Variants in MVK observed in about 807,000 individuals in gnomAD.
The protein encoded by MVK is mevalonate kinase.
MVK carries 34 observed loss-of-function variants against 43.2 expected under a neutral mutation model. The ratio of observed to expected loss-of-function variants is 0.79; its 90% CI spans 0.60 to 1.05. The LOEUF is 1.05. Ranked by LOEUF, MVK falls within the 50% of genes least tolerant of loss-of-function variation. The pLI is 0.00. For missense variants in MVK, 395 were observed against 504.0 expected (o/e 0.78, Z 2.07); for synonymous variants, 190 against 219.8 (o/e 0.86, Z 1.20).
chr12:109,595,744 G>A lies in MVK; in HGVS notation c.1039+563G>A, dbSNP rs538404262. Among the ~76,000 whole-genome samples, 13 of 152,196 alleles carry A rather than the reference G, an allele frequency of 8.5e-5. No individual in the cohort carries two copies. The highest frequency in any genetic ancestry group is 5.2e-4 in the Admixed American group (8 of 15,294). On this transcript the variant is annotated intron_variant, in intron 10 of 10. Transcript: ENST00000228510. This position sits in a 1 kb window ranked among gnomAD's most constrained non-coding sequence, Gnocchi z 5.9. ...TCCTGGCCTACAGTAGGCACTAACC[G>A]GTCCCACCTGCCTCCATTTCCCTCT... is the stretch of plus-strand genomic sequence containing the variant.
rs757079671 is a variant in MVK, at chr12:109,596,509, C to T, written c.1123C>T (p.Pro375Ser). The change falls in exon 11 of 11, where the codon CCC becomes TCC. Residue 375 changes from proline (P) to serine (S), a missense_variant. Coordinates refer to ENST00000228510, the MANE Select transcript of MVK (RefSeq NM_000431.4). ...CTGCTTGGAAACCAGCATCGGTGCCCCCGGCGTCTCCATCCACTCAGCCAC... is the reference window on the plus strand; with the variant it reads ...CTGCTTGGAAACCAGCATCGGTGCCTCCGGCGTCTCCATCCACTCAGCCAC... ...FDCLETSIGA[P>S]GVSIHSATSL... The T allele has an allele frequency of 6.2e-7, 1 of 1,613,020 alleles. No individual in the cohort carries two copies. Among genetic ancestry groups the T allele is most frequent in the African/African-American group, 1.3e-5 (1 of 74,940 alleles).
At chr12:109,591,789 G>T (rs1885694728) in intron 9 of MVK, among the ~76,000 whole-genome samples, 1 of 152,236 alleles carries the variant, frequency 6.6e-6, no homozygotes, top group Non-Finnish European at 1.5e-5. Flanking sequence ...CTTTGGGTCA[G>T]ACAGATCCTA....
rs368909134 is a variant in MVK at position 109,581,560 on chromosome 12, G to A, written c.527+10G>A. 116 of 1,614,052 alleles carry A rather than the reference G, an allele frequency of 7.2e-5. No individual in the cohort carries two copies. Among genetic ancestry groups the A allele is most frequent in the Admixed American group, 1.7e-4 (10 of 60,006 alleles). On this transcript the variant is annotated intron_variant, in intron 5 of 10. Coordinates refer to ENST00000228510, the MANE Select transcript of MVK (RefSeq NM_000431.4). ...GGGATTGCGTCAACAGGTAACCATG[G>A]TCCTTACCTGGCCAGTGTCCCTCCC...
At chr12:109,581,199 A>T (rs376405772) in intron 4 of MVK, among the ~76,000 whole-genome samples, 196 bp from the exon 5 acceptor site, 1 of 152,254 alleles carries the variant, frequency 6.6e-6, no homozygotes, top group East Asian at 1.9e-4. Context: ...AATGAACTTG[A>T]TACCTGTTTT....
At chr12:109,590,714 T>G in intron 7 of MVK, 57 bp from the exon 8 acceptor site, 1 of 1,540,812 alleles carries the variant, frequency 6.5e-7, no homozygotes, top group Non-Finnish European at 9.0e-7. Context: ...CTCCCAGTCC[T>G]GTCCCAGCTC....
intron 9 of MVK, among the ~76,000 whole-genome samples, chr12:109,592,241 C>T (rs998879475): frequency 2.6e-5 from 4 of 152,222 alleles, no homozygotes; most frequent in African/African-American, 9.6e-5. Context: ...TGCTTGGAGT[C>T]TCATGGGTGA....
intron 6 of MVK, 77 bp from the exon 7 acceptor site, chr12:109,586,677 A>T: frequency 6.5e-7 from 1 of 1,548,492 alleles, no homozygotes; most frequent in Non-Finnish European, 8.9e-7. Flanking sequence ...ACCCAACCCA[A>T]AGTTCAACCT....
chr12:109,592,419 C>T (rs1247228589), intron 9 of MVK, among the ~76,000 whole-genome samples: 1 of 152,146 alleles, frequency 6.6e-6, no homozygotes, highest in Non-Finnish European at 1.5e-5. Context: ...GTGCAGCAGC[C>T]GTCAGTGAAG....
chr12:109,581,629 C>T, intron 5 of MVK, 79 bp downstream of exon 5: 1 of 1,587,742 alleles, frequency 6.3e-7, no homozygotes, highest in Non-Finnish European at 8.6e-7. Context: ...GAGACCTCAC[C>T]ACCTCCCTGT....
At chr12:109,578,780 A>T (rs1252870178) in intron 3 of MVK, among the ~76,000 whole-genome samples, 2 of 152,198 alleles carry the variant, frequency 1.3e-5, no homozygotes, top group East Asian at 3.8e-4. Context: ...CGCATGCCCA[A>T]TTCCATTTCC....
chr12:109,579,543 CTG>C (rs1383393293), intron 3 of MVK, among the ~76,000 whole-genome samples: 2 of 152,206 alleles, frequency 1.3e-5, no homozygotes, highest in African/African-American at 2.4e-5. Context: ...AGAAGAGGCA[CTG>C]TTGTTATCCC....
At chr12:109,582,144 A>T (rs1388421461) in intron 5 of MVK, among the ~76,000 whole-genome samples, 1 of 152,218 alleles carries the variant, frequency 6.6e-6, no homozygotes, top group Non-Finnish European at 1.5e-5. Context: ...AGGCTTGACC[A>T]CAGACCATTT....
intron 7 of MVK, 121 bp from the exon 8 acceptor site, chr12:109,590,650 A>T (rs1885625337): frequency 2.3e-6 from 2 of 851,432 alleles, no homozygotes; most frequent in Non-Finnish European, 4.0e-6. Flanking sequence ...ATCCAGTGTC[A>T]CCTCTTGTGC....
In MVK at chr12:109,593,758, C is replaced by T. The variant is rs1011891500; in HGVS notation, c.886-1270C>T. ...TTTTTTGAGACAGAGTCATCTTGCT[C>T]TGTCGCCCAGGCTGGAGTGCAGTGG... On this transcript the variant is annotated intron_variant, in intron 9 of 10. Coordinates refer to ENST00000228510, the MANE Select transcript of MVK (RefSeq NM_000431.4). Among the ~76,000 whole-genome samples the T allele has an allele frequency of 4.5e-5, 6 of 133,664 alleles. No individual in the cohort carries two copies. The East Asian group carries it at 1.1e-3, about 24-fold the overall frequency. The allele number at this position is 133,664 out of a possible 152,430, so 87.7% of individuals were successfully genotyped here.
chr12:109,576,253 G>T, intron 3 of MVK, 108 bp downstream of exon 3: 1 of 1,417,830 alleles, frequency 7.1e-7, no homozygotes, highest in South Asian at 1.2e-5. Flanking sequence ...TATTTCCCGG[G>T]TGTTTTCTAC....
intron 2 of MVK, among the ~76,000 whole-genome samples, chr12:109,575,545 T>C (rs72651720): frequency 6.6e-6 from 1 of 151,968 alleles, no homozygotes; most frequent in African/African-American, 2.4e-5. Flanking sequence ...TGTACCACCA[T>C]GCCCCACTAA....
At chr12:109,586,609 T>C (rs1885443223) in intron 6 of MVK, 145 bp from the exon 7 acceptor site, 15 of 887,936 alleles carry the variant, frequency 1.7e-5, no homozygotes, top group Non-Finnish European at 2.7e-5. Flanking sequence ...CTGCACCTTT[T>C]GTAACTGAAG....
Position 109,587,181 on chromosome 12 carries a change from A to T in MVK, c.677+382A>T, listed in dbSNP as rs1020725195. 4.1e-5 allele frequency: 12 copies of T among 289,276 alleles called. No homozygotes were observed. In the East Asian group the frequency reaches 7.1e-4, roughly 17 times the overall value. The allele number at this position is 289,276 out of a possible 1,614,324, so 17.9% of individuals were successfully genotyped here. On this transcript the variant is annotated intron_variant, in intron 7 of 10. Coordinates refer to ENST00000228510, the MANE Select transcript of MVK (RefSeq NM_000431.4). ...TGAAGCTTGGGTACAGTTTCCAAGG[A>T]CTCTCAGTCTGCTTGTGGGGGTGGG...
intron 7 of MVK, among the ~76,000 whole-genome samples, chr12:109,587,507 G>C (rs751827793): frequency 6.6e-6 from 1 of 152,244 alleles, no homozygotes; most frequent in Non-Finnish European, 1.5e-5. Context: ...TGGCAGAGGG[G>C]AGCCAGGTGC....
Sources: allele counts gnomAD v4.1 joint callset (sites outside exome capture counted in the v4.1 genomes callset), GRCh38; gene constraint gnomAD v4.1.1; non-coding constraint Gnocchi (gnomAD v3.1); transcripts MANE v1.5; gene names NCBI Gene and HGNC (gene_info 2026-07-23, HGNC 2026-07-21).